CFAP47: variants seen among roughly 807,000 people sequenced by gnomAD.
The protein encoded by CFAP47 is cilia and flagella associated protein 47.
In CFAP47, 29 loss-of-function variants were observed where a neutral mutation model predicts 148.1. The observed-to-expected ratio is 0.20, with a 90% confidence interval of 0.15 to 0.27. The LOEUF is 0.27. Ranked by LOEUF, CFAP47 falls within the 10% of genes least tolerant of loss-of-function variation. The pLI, the probability that CFAP47 is intolerant of heterozygous loss-of-function variation, is 1.00. For missense variants in CFAP47, 1,872 were observed against 1,697.5 expected (o/e 1.10, Z -1.81); for synonymous variants, 664 against 577.3 (o/e 1.15, Z -2.15).
chrX:36,004,007 C>T (rs1258203811), intron 21 of CFAP47, among the ~76,000 whole-genome samples: 7 of 85,138 alleles, frequency 8.2e-5, no homozygotes, highest in Admixed American at 1.5e-4. Context: ...GAGCCTCACT[C>T]TGTCACCCAG....
chrX:35,924,170 T>G (rs192080751), intron 1 of CFAP47, among the ~76,000 whole-genome samples: 3,175 of 84,819 alleles, frequency 0.037, 142 homozygotes, highest in African/African-American at 0.053. Context: ...TGTATATATG[T>G]ACATGTATGC....
At chrX:36,318,400 A>C (rs1941453525) in intron 56 of CFAP47, among the ~76,000 whole-genome samples, 1 of 111,798 alleles carries the variant, frequency 8.9e-6, no homozygotes, top group Admixed American at 9.5e-5. Context: ...ATCCTTCTGT[A>C]TCCATAGGGG....
chrX:36,099,872 T>C lies in CFAP47; in HGVS notation c.5120T>C (p.Ile1707Thr). 11 of 964,528 alleles carry C rather than the reference T, an allele frequency of 1.1e-5. No homozygotes were observed. Among genetic ancestry groups the C allele is most frequent in the East Asian group, 3.1e-5 (1 of 32,391 alleles). The allele number at this position is 964,528 out of a possible 1,213,427, so 79.5% of individuals were successfully genotyped here. The change falls in exon 32 of 64, where the codon ATA (isoleucine) becomes ACA (threonine). Residue 1707 changes from isoleucine (I) to threonine (T), a missense_variant. Ile to Thr is a moderately conservative substitution (Grantham distance 89, BLOSUM62 -1). Coordinates refer to ENST00000378653, the MANE Select transcript of CFAP47 (RefSeq NM_001304548.2). ...KRAWTDVFLQIYKVLVLSRVV... is the reference protein window; with the variant it reads ...KRAWTDVFLQTYKVLVLSRVV... Reference sequence around the variant, plus strand: ...GCATGGACAGATGTATTTCTACAGATATACAAGGTAACATTTCCATTATTG... The same window carrying C: ...GCATGGACAGATGTATTTCTACAGACATACAAGGTAACATTTCCATTATTG...
chrX:36,048,849 G>T (rs925733868), intron 26 of CFAP47, among the ~76,000 whole-genome samples: 6 of 112,040 alleles, frequency 5.4e-5, no homozygotes, highest in Non-Finnish European at 1.1e-4. Context: ...ACAGTAAAAT[G>T]AAGCATGAGG....
chrX:36,236,082 G>A lies in CFAP47; in HGVS notation c.7158+5G>A. ...ATTTTTGAATGTGTCATTACGGTAT[G>A]AACTCCTTGATATTTTCCCCAGTAT... On this transcript the variant is annotated splice_donor_5th_base_variant and intron_variant, in intron 47 of 63. Transcript: ENST00000378653. 1 of 469,369 alleles carries A rather than the reference G, an allele frequency of 2.1e-6. No homozygotes were observed. The highest frequency in any genetic ancestry group is 3.8e-6 in the Non-Finnish European group (1 of 262,081). 38.7% of individuals were successfully genotyped at this position (469,369 alleles called of 1,213,427 possible). A position where few individuals can be genotyped will look rare whatever the true frequency, so the allele number is the denominator to read the frequency against.
At chrX:36,177,944 A>G (rs756112268) in intron 39 of CFAP47, among the ~76,000 whole-genome samples, 4 of 112,038 alleles carry the variant, frequency 3.6e-5, no homozygotes, top group African/African-American at 1.3e-4. Context: ...GTGCCCATCA[A>G]TGGTGGATTG....
At chrX:36,288,131 A>G (rs1341140028) in intron 51 of CFAP47, among the ~76,000 whole-genome samples, 1 of 112,005 alleles carries the variant, frequency 8.9e-6, no homozygotes, top group Non-Finnish European at 1.9e-5. Flanking sequence ...CTACAGATGA[A>G]TGATTGATCA....
chrX:35,936,222 T>C (rs1300934029), intron 2 of CFAP47, among the ~76,000 whole-genome samples: 2 of 111,934 alleles, frequency 1.8e-5, no homozygotes, highest in Non-Finnish European at 3.8e-5. Flanking sequence ...TCAGTCTTTG[T>C]CAAGTCTGGG....
intron 42 of CFAP47, among the ~76,000 whole-genome samples, chrX:36,198,875 C>A (rs1273102486): frequency 9.0e-6 from 1 of 111,376 alleles, no homozygotes. Flanking sequence ...TAGTTGGGAT[C>A]TTAGAATTTT....
chrX:36,100,757 G>A (rs73470972), intron 32 of CFAP47, among the ~76,000 whole-genome samples: 2,920 of 111,985 alleles, frequency 0.026, 96 homozygotes, highest in African/African-American at 0.09. Flanking sequence ...GACTCTGTCA[G>A]TAAATTTTTT....
chrX:35,964,725 A>C (rs1380219813), intron 8 of CFAP47, among the ~76,000 whole-genome samples: 1 of 111,135 alleles, frequency 9.0e-6, no homozygotes, highest in Non-Finnish European at 1.9e-5. Flanking sequence ...TTTTTCTGCC[A>C]GTTCAAATCT....
intron 56 of CFAP47, among the ~76,000 whole-genome samples, chrX:36,313,828 T>G (rs1453797521): frequency 1.8e-5 from 2 of 111,305 alleles, no homozygotes; most frequent in Non-Finnish European, 3.8e-5. Flanking sequence ...CTTGCCCTTA[T>G]GGATAGCATG....
intron 61 of CFAP47, chrX:36,365,683 T>A (rs1556020150): frequency 9.0e-6 from 1 of 110,720 alleles, no homozygotes; most frequent in East Asian, 2.8e-4. Context: ...CGTCTCTGTG[T>A]CCGTGTGTTC....
At chrX:35,927,154 C>CA (rs35155006) in intron 2 of CFAP47, among the ~76,000 whole-genome samples, 3,748 of 88,560 alleles carry the variant, frequency 0.042, 99 homozygotes, top group Admixed American at 0.12. Context: ...GACCCTATCT[C>CA]AAAAAAAAAA....
Position 35,928,141 on chromosome X carries a change from T to G in CFAP47, c.401+1973T>G, listed in dbSNP as rs189450417. Among the ~76,000 whole-genome samples, 427 of 109,757 alleles carry G rather than the reference T, an allele frequency of 3.9e-3. 3 individuals are homozygous for G. Among genetic ancestry groups the G allele is most frequent in the African/African-American group, 0.014 (419 of 30,258 alleles). On this transcript the variant is annotated intron_variant, in intron 2 of 63. Coordinates refer to ENST00000378653, the MANE Select transcript of CFAP47 (RefSeq NM_001304548.2). Reference sequence around the variant, plus strand: ...TGTACAAGTATTGTCTGAGCATAAGTTTTTATTTTTTCTGGGATAAATGCT... The same window carrying G: ...TGTACAAGTATTGTCTGAGCATAAGGTTTTATTTTTTCTGGGATAAATGCT...
At chrX:35,963,791 A>C (rs1233239639) in intron 8 of CFAP47, among the ~76,000 whole-genome samples, 1 of 111,610 alleles carries the variant, frequency 9.0e-6, no homozygotes, top group Admixed American at 9.5e-5. Flanking sequence ...CATCTTTAAC[A>C]TAAAACAGTC....
At chrX:36,289,094 G>A (rs946112552) in intron 51 of CFAP47, among the ~76,000 whole-genome samples, 21 of 99,273 alleles carry the variant, frequency 2.1e-4, no homozygotes, top group African/African-American at 8.0e-4. Flanking sequence ...TCCGCCTCCC[G>A]GGTTCAAGCG....
chrX:35,967,717 A>G lies in CFAP47; in HGVS notation c.1699A>G (p.Met567Val). The G allele has an allele frequency of 8.3e-7, 1 of 1,209,747 alleles. No homozygotes were observed. ...YAPVAMLQSA[M>V]TRTHNHRSCE... The stretch of plus-strand genomic sequence containing the variant: ...ACCTGTAGCAATGCTTCAATCAGCC[A>G]TGACACGCACTCACAATCATCGCTC... The change falls in exon 10 of 64, where the codon ATG becomes GTG. Residue 567 changes from methionine to valine, a missense_variant. Physicochemically the swap from Met to Val is conservative, Grantham distance 21 (BLOSUM62 1). Coordinates refer to ENST00000378653, the MANE Select transcript of CFAP47 (RefSeq NM_001304548.2).
chrX:36,364,722 C>T (rs1274271115), intron 61 of CFAP47, among the ~76,000 whole-genome samples: 17 of 107,649 alleles, frequency 1.6e-4, no homozygotes, highest in Non-Finnish European at 3.3e-4. Context: ...GAGAATTTTA[C>T]TGGGATTTGT....
Sources: allele counts gnomAD v4.1 joint callset (sites outside exome capture counted in the v4.1 genomes callset), GRCh38; gene constraint gnomAD v4.1.1; transcripts MANE v1.5; gene names NCBI Gene and HGNC (gene_info 2026-07-23, HGNC 2026-07-21).